OSBPL5: variants seen among roughly 807,000 people sequenced by gnomAD.
The protein encoded by OSBPL5 is oxysterol binding protein like 5.
OSBPL5 carries 71 observed loss-of-function variants against 111.2 expected under a neutral mutation model. That is an observed-to-expected ratio of 0.64 (90% CI 0.53 to 0.78). OSBPL5 has a LOEUF of 0.78. Ranked by LOEUF, OSBPL5 falls within the 30% of genes least tolerant of loss-of-function variation. OSBPL5 has a pLI of 0.00. For synonymous variants in OSBPL5, 549 were observed against 513.9 expected (o/e 1.07, Z -0.93); for missense variants, 1,210 against 1,189.3 (o/e 1.02, Z -0.26).
At chr11:3,096,994 G>GGAGAGGA (rs1857283002) in intron 14 of OSBPL5, among the ~76,000 whole-genome samples, 1 of 4,372 alleles carries the variant, frequency 2.3e-4, no homozygotes, top group African/African-American at 6.0e-4. Context: ...GGGAGGAGGA[G>GGAGAGGA]AAGAGGAAAG....
intron 1 of OSBPL5, among the ~76,000 whole-genome samples, chr11:3,144,533 G>T (rs376893597): frequency 6.6e-6 from 1 of 152,200 alleles, no homozygotes; most frequent in African/African-American, 2.4e-5. Context: ...AGGGGAGTGC[G>T]GGCTGGGCCT....
At position 3,113,223 on chromosome 11, in the gene OSBPL5, T is replaced by G. The variant is rs1291857034; in HGVS notation, c.692-5278A>C. Reference sequence around the variant, plus strand: ...TTTAAAATTATTGGTAAAGTAATATTAGAAATGTCTTAAGAATTGCCAGCA... The same window carrying G: ...TTTAAAATTATTGGTAAAGTAATATGAGAAATGTCTTAAGAATTGCCAGCA... On this transcript the variant is annotated intron_variant, in intron 7 of 21. Transcript: ENST00000263650. This position sits in a 1 kb window ranked among gnomAD's most constrained non-coding sequence, Gnocchi z 4.8. Among the ~76,000 whole-genome samples the G allele has an allele frequency of 6.6e-6, 1 of 152,224 alleles. No homozygotes were observed. Among genetic ancestry groups the G allele is most frequent in the Non-Finnish European group, 1.5e-5 (1 of 68,044 alleles).
intron 3 of OSBPL5, among the ~76,000 whole-genome samples, chr11:3,124,973 C>T (rs1858561619): frequency 6.6e-6 from 1 of 152,194 alleles, no homozygotes; most frequent in Non-Finnish European, 1.5e-5. Context: ...ACTTGCAACC[C>T]CTGCTCCCCA....
At position 3,092,345 on chromosome 11, in the gene OSBPL5, A is replaced by AG. The variant is rs1857090144; in HGVS notation, c.2259+86dup. ...GCGTGAGGGAAACGGAGCGAGGGGA[A>AG]GGGAGGAGTGAGGTGAGGAGCGAGG... On this transcript the variant is annotated intron_variant, in intron 19 of 21. Transcript: ENST00000263650. The surrounding 1 kb of genome is among the most constrained non-coding windows in gnomAD (Gnocchi z 5.4). 7.0e-7 allele frequency: 1 copy of AG among 1,434,146 alleles called. No homozygotes were observed. Among genetic ancestry groups the AG allele is most frequent in the South Asian group, 1.4e-5 (1 of 70,652 alleles). The allele number at this position is 1,434,146 out of a possible 1,614,324, so 88.8% of individuals were successfully genotyped here. A position where few individuals can be genotyped will look rare whatever the true frequency, so the allele number is the denominator to read the frequency against.
intron 1 of OSBPL5, among the ~76,000 whole-genome samples, chr11:3,137,222 A>T (rs901761964): frequency 6.6e-6 from 1 of 152,246 alleles, no homozygotes; most frequent in Non-Finnish European, 1.5e-5. Context: ...AGACAGCAGC[A>T]TAAGAGACCA....
intron 7 of OSBPL5, among the ~76,000 whole-genome samples, chr11:3,111,957 GTGTGTGTGTGTGCATA>G (rs1857956853): frequency 1.4e-5 from 2 of 147,182 alleles, no homozygotes; most frequent in South Asian, 2.2e-4. Flanking sequence ...TCCAAGCTGT[GTGTGTGTGTGTGCATA>G]TGTGTGCGCG....
chr11:3,115,873 C>CT (rs369499437), intron 7 of OSBPL5, among the ~76,000 whole-genome samples: 5,662 of 143,954 alleles, frequency 0.039, 329 homozygotes, highest in African/African-American at 0.12. Flanking sequence ...AGGCTTTTGC[C>CT]TTTTTTTTTT....
intron 19 of OSBPL5, among the ~76,000 whole-genome samples, chr11:3,091,708 C>T (rs1857060555): frequency 6.6e-6 from 1 of 152,154 alleles, no homozygotes. Flanking sequence ...CCTTGGCAGG[C>T]AGAGCATGGG....
chr11:3,131,838 TATCC>T (rs1845808624), intron 1 of OSBPL5, among the ~76,000 whole-genome samples: 2 of 53,780 alleles, frequency 3.7e-5, no homozygotes, highest in Non-Finnish European at 6.7e-5. Flanking sequence ...CCCACTCATC[TATCC>T]ATCCACCCAC....
chr11:3,127,330 G>A (rs945011487), intron 2 of OSBPL5, among the ~76,000 whole-genome samples: 1 of 152,230 alleles, frequency 6.6e-6, no homozygotes, highest in Non-Finnish European at 1.5e-5. Flanking sequence ...GGCCACAGGC[G>A]ACAGGCCAGC....
intron 1 of OSBPL5, among the ~76,000 whole-genome samples, chr11:3,133,990 G>T (rs540568812): frequency 2.6e-5 from 4 of 152,152 alleles, no homozygotes; most frequent in East Asian, 1.9e-4. Context: ...GGTGGGGGGG[G>T]GGTCACTAGA....
chr11:3,099,332 C>T (rs995437241), intron 14 of OSBPL5, among the ~76,000 whole-genome samples: 9 of 152,042 alleles, frequency 5.9e-5, no homozygotes, highest in Non-Finnish European at 1.3e-4. Flanking sequence ...TAGCAAAACC[C>T]ACAGAATGAG....
intron 1 of OSBPL5, among the ~76,000 whole-genome samples, chr11:3,133,802 A>G (rs4601755): frequency 0.87 from 133,166 of 152,278 alleles, 58,818 homozygotes; most frequent in African/African-American, 0.97. Context: ...TGCCCCTCCC[A>G]CGGTGAGACT....
rs1196418063 is a variant in OSBPL5 at position 3,130,056 on chromosome 11, T to C, written c.-21-887A>G. Among the ~76,000 whole-genome samples the C allele has an allele frequency of 8.5e-5, 13 of 152,206 alleles. No individual in the cohort carries two copies. The highest frequency in any genetic ancestry group is 8.5e-4 in the Admixed American group (13 of 15,286). On this transcript the variant is annotated intron_variant, in intron 1 of 21. Coordinates refer to ENST00000263650, the MANE Select transcript of OSBPL5 (RefSeq NM_020896.4). This position sits in a 1 kb window ranked among gnomAD's most constrained non-coding sequence, Gnocchi z 4.5. The stretch of plus-strand genomic sequence containing the variant: ...TCCCCACCAGCCCTACACCTAGTAG[T>C]GCTGGGCCAAGCAGAGGGTAACTGA...
Position 3,129,161 on chromosome 11 carries a change from C to A in OSBPL5, c.-13G>T. 1 of 1,403,322 alleles carries A rather than the reference C, an allele frequency of 7.1e-7. No homozygotes were observed. Among genetic ancestry groups the A allele is most frequent in the Non-Finnish European group, 9.3e-7 (1 of 1,070,576 alleles). The allele number at this position is 1,403,322 out of a possible 1,614,324, so 86.9% of individuals were successfully genotyped here. A position where few individuals can be genotyped will look rare whatever the true frequency, so the allele number is the denominator to read the frequency against. ...CCTCCTCCTTCATGCTGTGGGCGCT[C>A]GGGGGCTTCTGGAAGGAAGGAAGGA... On this transcript the variant is annotated 5_prime_UTR_variant, in exon 2 of 22. Transcript: ENST00000263650.
chr11:3,097,480 C>A (rs1857314521), intron 14 of OSBPL5, among the ~76,000 whole-genome samples: 1 of 152,148 alleles, frequency 6.6e-6, no homozygotes, highest in Non-Finnish European at 1.5e-5. Context: ...CCAGAAACAA[C>A]CTACTAAGAA....
rs553220741 is a variant in OSBPL5, at chr11:3,157,607, C to T, written c.-22+7609G>A. Among the ~76,000 whole-genome samples, 25 of 152,370 alleles carry T rather than the reference C, an allele frequency of 1.6e-4. No individual in the cohort carries two copies. In the East Asian group the frequency reaches 2.1e-3, roughly 13 times the overall value. ...TGCTCAGCAGGTGGGCGCCACAAGG[C>T]CACTTCCTGCCACCCACATCACTTT... On this transcript the variant is annotated intron_variant, in intron 1 of 21. Transcript: ENST00000263650.
At chr11:3,120,270 G>T in intron 6 of OSBPL5, 151 bp downstream of exon 6, 1 of 927,544 alleles carries the variant, frequency 1.1e-6, no homozygotes, top group Non-Finnish European at 1.6e-6. Context: ...CTGATCCCCT[G>T]GCCGCATGTG....
intron 1 of OSBPL5, among the ~76,000 whole-genome samples, chr11:3,148,544 C>T (rs906971877): frequency 9.2e-5 from 14 of 152,308 alleles, no homozygotes; most frequent in East Asian, 1.9e-4. Flanking sequence ...GTGGAGGAGA[C>T]GGGGCGCTGT....
Sources: gnomAD v4.1 joint callset for allele counts (sites outside exome capture counted in the v4.1 genomes callset) on GRCh38, gnomAD v4.1.1 for gene constraint, Gnocchi (gnomAD v3.1) non-coding constraint, MANE v1.5 for transcripts, NCBI Gene and HGNC (gene_info 2026-07-23, HGNC 2026-07-21) for gene names.